Variants in OTUD7A observed in about 807,000 individuals in gnomAD.
OTUD7A encodes OTU deubiquitinase 7A, also known as OTU domain-containing protein 7A.
Under a neutral mutation model 65.7 loss-of-function variants are expected in OTUD7A, and 12 were observed. That is an observed-to-expected ratio of 0.18 (90% CI 0.12 to 0.30). The LOEUF (loss-of-function observed/expected upper bound fraction) is 0.30. Ranked by LOEUF, OTUD7A falls within the 10% of genes least tolerant of loss-of-function variation. The probability of loss-of-function intolerance (pLI) is 1.00; values close to 1 mark genes in which losing one functional copy is unlikely to be tolerated. For missense variants in OTUD7A, 1,148 were observed against 1,304.8 expected (o/e 0.88, Z 1.85); for synonymous variants, 641 against 586.3 (o/e 1.09, Z -1.35).
chr15:31,594,076 G>C (rs1889834140), intron 3 of OTUD7A, among the ~76,000 whole-genome samples: 1 of 152,136 alleles, frequency 6.6e-6, no homozygotes, highest in Admixed American at 6.5e-5. Context: ...TTCTTAAAAA[G>C]GAATTGAAAT....
chr15:31,616,498 G>T (rs1484783172), intron 3 of OTUD7A, among the ~76,000 whole-genome samples: 1 of 152,136 alleles, frequency 6.6e-6, no homozygotes, highest in Admixed American at 6.5e-5. Flanking sequence ...ATTCCACTCT[G>T]CCCCTGTTTT....
At chr15:31,512,071 C>T (rs1749283161) in intron 8 of OTUD7A, among the ~76,000 whole-genome samples, 1 of 152,196 alleles carries the variant, frequency 6.6e-6, no homozygotes, top group African/African-American at 2.4e-5. Flanking sequence ...GTTTCTCTCT[C>T]CTTGGTATGT....
intron 1 of OTUD7A, among the ~76,000 whole-genome samples, chr15:31,683,444 T>C (rs1205256813): frequency 6.6e-6 from 1 of 152,202 alleles, no homozygotes; most frequent in African/African-American, 2.4e-5. Context: ...AACACTTATA[T>C]AAATACAAAT....
chr15:31,751,352 G>A (rs71476568), intron 1 of OTUD7A, among the ~76,000 whole-genome samples: 1,854 of 152,102 alleles, frequency 0.012, 17 homozygotes, highest in Non-Finnish European at 0.018. Flanking sequence ...AATGCATGCC[G>A]AAACCACAAA....
rs530970611 is a variant in OTUD7A, at chr15:31,615,642, T to C, written c.151+39454A>G. Among the ~76,000 whole-genome samples the C allele has an allele frequency of 5.9e-5, 9 of 152,342 alleles. No individual in the cohort carries two copies. In the South Asian group the frequency reaches 1.0e-3, roughly 18 times the overall value. ...CACCAAGAATCACAAAATCCACTTT[T>C]TGTTTCTTTGTGAACATGGAACGTT... On this transcript the variant is annotated intron_variant, in intron 3 of 12. Transcript: ENST00000307050.
At chr15:31,500,681 G>T (rs974261610) in intron 10 of OTUD7A, among the ~76,000 whole-genome samples, 16 of 152,216 alleles carry the variant, frequency 1.1e-4, no homozygotes, top group Admixed American at 1.0e-3. Flanking sequence ...GTGCAATCTT[G>T]TTGCTATATT....
chr15:31,512,482 G>A (rs2041770651), intron 8 of OTUD7A, among the ~76,000 whole-genome samples: 1 of 152,136 alleles, frequency 6.6e-6, no homozygotes, highest in African/African-American at 2.4e-5. Context: ...ATTTTCTGTA[G>A]AAAGGGTGTA....
chr15:31,794,284 C>T (rs1895893027), intron 1 of OTUD7A, among the ~76,000 whole-genome samples: 2 of 152,180 alleles, frequency 1.3e-5, no homozygotes, highest in South Asian at 4.1e-4. Context: ...ATCAGGACCA[C>T]CATTTTCAAT....
At chr15:31,511,844 T>A (rs934737938) in intron 8 of OTUD7A, among the ~76,000 whole-genome samples, 3 of 151,790 alleles carry the variant, frequency 2.0e-5, no homozygotes, top group Non-Finnish European at 4.4e-5. Flanking sequence ...TTCTCACCTC[T>A]TTTTGAGGTT....
intron 3 of OTUD7A, among the ~76,000 whole-genome samples, chr15:31,611,909 C>A (rs927303631): frequency 6.6e-6 from 1 of 152,148 alleles, no homozygotes; most frequent in East Asian, 1.9e-4. Flanking sequence ...TAACAAAATA[C>A]TAGCTAACCA....
intron 1 of OTUD7A, among the ~76,000 whole-genome samples, chr15:31,779,002 G>T (rs1208734101): frequency 6.6e-6 from 1 of 152,174 alleles, no homozygotes; most frequent in Non-Finnish European, 1.5e-5. Context: ...CATCTTGAAT[G>T]AATAAATTCT....
chr15:31,484,994 T>C lies in OTUD7A; in HGVS notation c.1372-270A>G, dbSNP rs1207675036. On this transcript the variant is annotated intron_variant, in intron 12 of 12. Transcript: ENST00000307050. The surrounding 1 kb of genome is among the most constrained non-coding windows in gnomAD (Gnocchi z 4.5). ...TCTGGCCAGGGAAGCTGGGGTGTAC[T>C]CATTCTTTCTCTCTGGGGGACCTCA... is the stretch of plus-strand genomic sequence containing the variant. 1.3e-5 allele frequency among the ~76,000 whole-genome samples: 2 copies of C among 152,232 alleles called. No homozygotes were observed. The highest frequency in any genetic ancestry group is 2.4e-5 in the African/African-American group (1 of 41,464).
chr15:31,833,158 C>T lies in OTUD7A; in HGVS notation c.-100+37349G>A, dbSNP rs1567046070. Reference sequence around the variant, plus strand: ...TTAAAAGAGGATACAAGCCTATGCTCCTTTCCCAGAGAAAAAATGAAGAGG... The same window carrying T: ...TTAAAAGAGGATACAAGCCTATGCTTCTTTCCCAGAGAAAAAATGAAGAGG... On this transcript the variant is annotated intron_variant, in intron 1 of 12. Transcript: ENST00000307050. 2.0e-5 allele frequency among the ~76,000 whole-genome samples: 3 copies of T among 152,316 alleles called. No individual in the cohort carries two copies. In the South Asian group the frequency reaches 6.2e-4, roughly 32 times the overall value.
chr15:31,658,645 G>A (rs1291128294), intron 1 of OTUD7A, among the ~76,000 whole-genome samples: 11 of 152,142 alleles, frequency 7.2e-5, no homozygotes, highest in Admixed American at 7.2e-4. Flanking sequence ...ACACTTAGTG[G>A]AGGAAGTGGT....
intron 1 of OTUD7A, among the ~76,000 whole-genome samples, chr15:31,688,196 C>T (rs2141314874): frequency 7.2e-6 from 1 of 138,890 alleles, no homozygotes; most frequent in Middle Eastern, 4.0e-3. Flanking sequence ...AGCCTGGCGA[C>T]AGAGCGAGAC....
intron 1 of OTUD7A, among the ~76,000 whole-genome samples, chr15:31,854,763 T>A (rs148177666): frequency 6.6e-6 from 1 of 151,780 alleles, no homozygotes; most frequent in Admixed American, 6.6e-5. Flanking sequence ...GGGATTAGGA[T>A]ACTGACATCT....
At chr15:31,783,979 G>C (rs1381446796) in intron 1 of OTUD7A, among the ~76,000 whole-genome samples, 1 of 152,178 alleles carries the variant, frequency 6.6e-6, no homozygotes, top group East Asian at 1.9e-4. Flanking sequence ...AATACTCAGA[G>C]ACTTTTCTGA....
chr15:31,681,891 G>T (rs112386397), intron 1 of OTUD7A, among the ~76,000 whole-genome samples: 8,554 of 151,354 alleles, frequency 0.057, 826 homozygotes, highest in African/African-American at 0.2. Flanking sequence ...CCTTCTAAGA[G>T]TATTTGGGCT....
rs1196757080 is a variant in OTUD7A, at chr15:31,840,896, GC to G, written c.-100+29610del. On this transcript the variant is annotated intron_variant, in intron 1 of 12. Coordinates refer to ENST00000307050, the MANE Select transcript of OTUD7A (RefSeq NM_001382637.1). ...CTACTGAGGATACAATCTACTATGT[GC>G]CATGGCAAAGGAATACCCAAAGTCA... is the stretch of plus-strand genomic sequence containing the variant. Among the ~76,000 whole-genome samples, 9 of 152,274 alleles carry G rather than the reference GC, an allele frequency of 5.9e-5. No homozygotes were observed. In the East Asian group the frequency reaches 1.7e-3, roughly 29 times the overall value.
Sources: gnomAD v4.1 joint callset for allele counts (sites outside exome capture counted in the v4.1 genomes callset) on GRCh38, gnomAD v4.1.1 for gene constraint, Gnocchi (gnomAD v3.1) non-coding constraint, MANE v1.5 for transcripts, NCBI Gene and HGNC (gene_info 2026-07-23, HGNC 2026-07-21) for gene names.